Variants in IARS2 observed in about 807,000 individuals in gnomAD.
IARS2 encodes the protein isoleucine--tRNA ligase, mitochondrial.
In IARS2, 56 loss-of-function variants were observed where a neutral mutation model predicts 126.3. The ratio of observed to expected loss-of-function variants is 0.44; its 90% CI spans 0.36 to 0.55. The LOEUF is 0.55. IARS2 is among the 20% of genes least tolerant of loss of function. The probability of loss-of-function intolerance (pLI) is 0.00; values close to 1 mark genes in which losing one functional copy is unlikely to be tolerated. For synonymous variants in IARS2, 407 were observed against 441.1 expected (o/e 0.92, Z 0.97); for missense variants, 1,127 against 1,245.9 (o/e 0.90, Z 1.44).
chr1:220,105,804 C>A, intron 8 of IARS2, 87 bp from the exon 9 acceptor site: 3 of 1,144,390 alleles, frequency 2.6e-6, no homozygotes, highest in Non-Finnish European at 2.6e-6. Context: ...AGATTCTGCA[C>A]ATTTAACCTG....
intron 10 of IARS2, among the ~76,000 whole-genome samples, chr1:220,109,870 A>T (rs1340787447): frequency 6.6e-6 from 1 of 152,220 alleles, no homozygotes; most frequent in East Asian, 1.9e-4. Context: ...TCATGGCATG[A>T]AAGATTATGG....
chr1:220,141,861 G>A lies in IARS2; in HGVS notation c.2473G>A (p.Glu825Lys), dbSNP rs771282581. The change falls in exon 20 of 23, where the codon GAA (glutamate) becomes AAA (lysine). Residue 825 changes from glutamate (E) to lysine (K), a missense_variant. Coordinates refer to ENST00000366922, the MANE Select transcript of IARS2 (RefSeq NM_018060.4). Reference protein sequence around the residue: ...KRRSCQTALVEILDVIVRSFA... With the variant: ...KRRSCQTALVKILDVIVRSFA... Reference sequence around the variant, plus strand: ...ACGCTCTTGTCAGACTGCATTAGTTGAAATTTTGGATGTAATAGTTCGTTC... The same window carrying A: ...ACGCTCTTGTCAGACTGCATTAGTTAAAATTTTGGATGTAATAGTTCGTTC... The A allele has an allele frequency of 1.2e-6, 2 of 1,614,054 alleles. No homozygotes were observed. Among genetic ancestry groups the A allele is most frequent in the African/African-American group, 2.7e-5 (2 of 74,934 alleles).
Position 220,102,573 on chromosome 1 carries a change from A to G in IARS2, c.828A>G (p.Leu276=), listed in dbSNP as rs1558119910. 6.2e-7 allele frequency: 1 copy of G among 1,613,630 alleles called. No individual in the cohort carries two copies. The highest frequency in any genetic ancestry group is 1.3e-5 in the African/African-American group (1 of 75,050). Residue 276 remains leucine (L), a synonymous_variant, in exon 6 of 23, where the codon TTA becomes TTG. Coordinates refer to ENST00000366922, the MANE Select transcript of IARS2 (RefSeq NM_018060.4). The part of the protein sequence containing the change: ...SRSIYVKFPL[L]KPSPKLASLI... ...CAATATATGTAAAATTTCCTCTCTT[A>G]AAGCCTTCTCCAAAATTGGCATCTC...
intron 17 of IARS2, among the ~76,000 whole-genome samples, chr1:220,138,624 T>A (rs756165772): frequency 6.6e-6 from 1 of 151,882 alleles, no homozygotes; most frequent in Non-Finnish European, 1.5e-5. Flanking sequence ...TTTTGTATAC[T>A]TTTATGTACT....
chr1:220,140,396 A>G, intron 19 of IARS2, 107 bp downstream of exon 19: 2 of 666,446 alleles, frequency 3.0e-6, no homozygotes, highest in Non-Finnish European at 5.3e-6. Flanking sequence ...ACATGAGGCC[A>G]GGAGTTCGAG....
chr1:220,125,903 G>A (rs904445517), intron 13 of IARS2, among the ~76,000 whole-genome samples: 3 of 151,336 alleles, frequency 2.0e-5, no homozygotes, highest in Non-Finnish European at 2.9e-5. Context: ...TCAGGAGATC[G>A]AGACCATCCT....
intron 12 of IARS2, among the ~76,000 whole-genome samples, chr1:220,117,345 C>A (rs1656937091): frequency 6.6e-6 from 1 of 151,654 alleles, no homozygotes; most frequent in Non-Finnish European, 1.5e-5. Context: ...GCATGTGCCA[C>A]CACGCCCGGC....
intron 19 of IARS2, among the ~76,000 whole-genome samples, chr1:220,141,070 G>T (rs1046050399): frequency 6.6e-6 from 1 of 151,982 alleles, no homozygotes; most frequent in Non-Finnish European, 1.5e-5. Context: ...TCTGATTTGG[G>T]GCAACTTATT....
chr1:220,094,637 T>C (rs1259757224), intron 1 of IARS2, among the ~76,000 whole-genome samples, 154 bp downstream of exon 1: 1 of 152,176 alleles, frequency 6.6e-6, no homozygotes, highest in African/African-American at 2.4e-5. Flanking sequence ...CGCACAGATT[T>C]TGTGGGCTGA....
intron 15 of IARS2, among the ~76,000 whole-genome samples, chr1:220,135,408 T>A (rs1657351644): frequency 6.6e-6 from 1 of 152,134 alleles, no homozygotes; most frequent in Non-Finnish European, 1.5e-5. Context: ...TTGCCTAGGC[T>A]GGAGTGCAGT....
chr1:220,125,167 T>A (rs1657127358), intron 12 of IARS2, 70 bp from the exon 13 acceptor site: 1 of 876,312 alleles, frequency 1.1e-6, no homozygotes, highest in Admixed American at 2.4e-5. Context: ...CACTATTTCT[T>A]AATTTTAAAA....
chr1:220,134,678 G>T (rs1286643227), intron 15 of IARS2, 168 bp downstream of exon 15: 2 of 413,328 alleles, frequency 4.8e-6, no homozygotes, highest in African/African-American at 4.1e-5. Flanking sequence ...AAGGTGTCTT[G>T]TGAGTGTGAT....
chr1:220,103,640 A>C, intron 8 of IARS2, 78 bp downstream of exon 8: 2 of 850,710 alleles, frequency 2.4e-6, no homozygotes, highest in Non-Finnish European at 3.9e-6. Flanking sequence ...GCTGAACTGC[A>C]TATTTTGAAT....
intron 15 of IARS2, among the ~76,000 whole-genome samples, chr1:220,135,267 C>T (rs1275760685): frequency 4.6e-5 from 7 of 152,114 alleles, no homozygotes; most frequent in Non-Finnish European, 5.9e-5. Context: ...CTTTTTCAAA[C>T]GTGTGGGTGA....
At chr1:220,131,712 C>G (rs796576705) in intron 14 of IARS2, among the ~76,000 whole-genome samples, 1 of 152,028 alleles carries the variant, frequency 6.6e-6, no homozygotes, top group Non-Finnish European at 1.5e-5. Context: ...TCTCGAACTC[C>G]TGACCTCAAG....
In IARS2 at chr1:220,147,634, A is replaced by C. The variant is rs983268973; in HGVS notation, c.3038A>C (p.Ter1013SerextTer2). Residue 1013 changes from the stop codon to serine, a stop_lost, in exon 23 of 23, where the codon TAG becomes TCG. Transcript: ENST00000366922. ...TGTGCAGAAGTTGTCAGTGGAAAATAGTATTAACAGCTCACTCGAGCAAGA... is the reference window on the plus strand; with the variant it reads ...TGTGCAGAAGTTGTCAGTGGAAAATCGTATTAACAGCTCACTCGAGCAAGA... The part of the protein sequence containing the change: ...PRCAEVVSGK[*>S] The C allele has an allele frequency of 3.1e-6, 5 of 1,613,904 alleles. No homozygotes were observed. In the African/African-American group the frequency reaches 5.3e-5, roughly 17 times the overall value.
intron 21 of IARS2, among the ~76,000 whole-genome samples, chr1:220,144,874 TGG>T (rs1157321194): frequency 6.6e-6 from 1 of 152,196 alleles, no homozygotes; most frequent in African/African-American, 2.4e-5. Flanking sequence ...TTATTTCTCA[TGG>T]GCTTTAATTT....
intron 2 of IARS2, among the ~76,000 whole-genome samples, chr1:220,099,947 A>C (rs1285661462): frequency 1.3e-5 from 2 of 152,166 alleles, no homozygotes; most frequent in African/African-American, 2.4e-5. Context: ...GGAAAGGAGG[A>C]AATTGTTTTC....
intron 1 of IARS2, among the ~76,000 whole-genome samples, chr1:220,095,130 C>T (rs1656411132): frequency 6.6e-6 from 1 of 152,230 alleles, no homozygotes; most frequent in African/African-American, 2.4e-5. Context: ...CTTCCGCCTC[C>T]CAGGCTCAGG....
Sources: allele counts gnomAD v4.1 joint callset (sites outside exome capture counted in the v4.1 genomes callset), GRCh38; gene constraint gnomAD v4.1.1; transcripts MANE v1.5; gene names NCBI Gene and HGNC (gene_info 2026-07-23, HGNC 2026-07-21).